The following TP73 variants were observed in gnomAD, a reference collection of about 807,000 sequenced individuals.
The protein encoded by TP73 is tumor protein p73.
In TP73, 25 loss-of-function variants were observed where a neutral mutation model predicts 62.5. The ratio of observed to expected loss-of-function variants is 0.40; its 90% CI spans 0.29 to 0.56. The LOEUF (loss-of-function observed/expected upper bound fraction) is 0.56, where lower values mean the gene tolerates loss of function less well. TP73 is among the 20% of genes least tolerant of loss of function. TP73 has a pLI of 0.46. For missense variants in TP73, 754 were observed against 913.3 expected (o/e 0.83, Z 2.25); for synonymous variants, 423 against 377.5 (o/e 1.12, Z -1.40).
chr1:3,685,830 C>A (rs529792795), intron 3 of TP73, among the ~76,000 whole-genome samples: 1 of 152,194 alleles, frequency 6.6e-6, no homozygotes, highest in Non-Finnish European at 1.5e-5. Context: ...CGGTTCAGTG[C>A]GGATGCGGGC....
rs760523638 is a variant in TP73 at position 3,699,810 on chromosome 1, G to A, written c.187-7739G>A. 1.5e-4 allele frequency among the ~76,000 whole-genome samples: 23 copies of A among 152,164 alleles called. No homozygotes were observed. Among genetic ancestry groups the A allele is most frequent in the Admixed American group, 2.6e-4 (4 of 15,288 alleles). ...GGAGCTGGGGAGGGGCCAGCGGGGC[G>A]TCAGGATTTCAGCTGACATCCCTAC... On this transcript the variant is annotated intron_variant, in intron 3 of 13. Coordinates refer to ENST00000378295, the MANE Select transcript of TP73 (RefSeq NM_005427.4). This position sits in a 1 kb window ranked among gnomAD's most constrained non-coding sequence, Gnocchi z 4.1.
intron 9 of TP73, 144 bp downstream of exon 9, chr1:3,728,361 G>T: frequency 1.3e-6 from 1 of 783,638 alleles, no homozygotes; most frequent in Non-Finnish European, 2.0e-6. Context: ...AGGGTCCAGA[G>T]GGCAGAACCT....
At chr1:3,656,138 A>G (rs1204499108) in intron 1 of TP73, among the ~76,000 whole-genome samples, 3 of 151,322 alleles carry the variant, frequency 2.0e-5, no homozygotes, top group Admixed American at 2.0e-4. Flanking sequence ...ATCACGCACT[A>G]CACTCCAGCC....
intron 2 of TP73, 43 bp from the exon 3 acceptor site, chr1:3,683,017 C>CA: frequency 6.3e-7 from 1 of 1,575,342 alleles, no homozygotes; most frequent in African/African-American, 1.3e-5. Flanking sequence ...GGGTGACACC[C>CA]AAACTGGGGA....
Position 3,732,978 on chromosome 1 carries a change from G to C in TP73, c.1810G>C (p.Gly604Arg). 6.3e-7 allele frequency: 1 copy of C among 1,597,600 alleles called. No individual in the cohort carries two copies. The highest frequency in any genetic ancestry group is 8.5e-7 in the Non-Finnish European group (1 of 1,174,880). Residue 604 changes from glycine to arginine, a missense_variant, in exon 14 of 14, where the codon GGC becomes CGC. Transcript: ENST00000378295. ...ITIPNRGGPG[G>R]GPDEWADFGF... ...CATCCCCAACCGCGGCGGCCCAGGC[G>C]GCGGCCCTGACGAGTGGGCGGACTT...
intron 1 of TP73, among the ~76,000 whole-genome samples, chr1:3,680,641 C>T (rs1400497987): frequency 1.3e-5 from 2 of 152,248 alleles, no homozygotes; most frequent in Non-Finnish European, 2.9e-5. Flanking sequence ...TCATACTGCT[C>T]AGCCCAAAGG....
intron 4 of TP73, among the ~76,000 whole-genome samples, chr1:3,709,562 G>A (rs1218979280): frequency 6.6e-6 from 1 of 152,212 alleles, no homozygotes; most frequent in Non-Finnish European, 1.5e-5. Flanking sequence ...ACCTGCCTGT[G>A]GGGCAAGGGG....
At chr1:3,697,982 C>A in intron 3 of TP73, 2 of 643,974 alleles carry the variant, frequency 3.1e-6, no homozygotes, top group Non-Finnish European at 1.9e-6. Context: ...CCTCCCTGTA[C>A]CCTGCACTGC....
intron 3 of TP73, among the ~76,000 whole-genome samples, chr1:3,685,038 G>A (rs1433308965): frequency 6.6e-6 from 1 of 152,112 alleles, no homozygotes; most frequent in African/African-American, 2.4e-5. Context: ...GCAGGAACTG[G>A]CCGCTGGACC....
At chr1:3,716,001 C>G (rs1046884925) in intron 4 of TP73, among the ~76,000 whole-genome samples, 1 of 152,188 alleles carries the variant, frequency 6.6e-6, no homozygotes, top group Non-Finnish European at 1.5e-5. Flanking sequence ...GAGAGTCCCC[C>G]GTGTGGCTCC....
chr1:3,652,664 G>A (rs1644779805), intron 1 of TP73, 23 bp downstream of exon 1: 1 of 152,404 alleles, frequency 6.6e-6, no homozygotes, highest in Admixed American at 6.5e-5. Flanking sequence ...GGGCCGGGGG[G>A]CGGTTCGGCT....
intron 12 of TP73, 73 bp downstream of exon 12, chr1:3,731,138 A>G: frequency 6.4e-7 from 1 of 1,554,966 alleles, no homozygotes; most frequent in Non-Finnish European, 8.7e-7. Flanking sequence ...TGGCCATGTC[A>G]GCTGCCCTGC....
At chr1:3,721,915 G>A in intron 4 of TP73, 106 bp from the exon 5 acceptor site, 1 of 1,217,136 alleles carries the variant, frequency 8.2e-7, no homozygotes, top group Non-Finnish European at 1.1e-6. Context: ...TCTGGGGGTT[G>A]TGGAAGGGGC....
At chr1:3,685,393 G>A (rs1645627252) in intron 3 of TP73, among the ~76,000 whole-genome samples, 2 of 152,190 alleles carry the variant, frequency 1.3e-5, no homozygotes, top group African/African-American at 4.8e-5. Flanking sequence ...GGCTGGATCT[G>A]TCTGGCAGCG....
chr1:3,732,609 C>G (rs1316630651), intron 13 of TP73, 138 bp from the exon 14 acceptor site: 17 of 754,180 alleles, frequency 2.3e-5, no homozygotes, highest in Non-Finnish European at 2.1e-5. Flanking sequence ...GGGCTCTCCC[C>G]CTCCCCCGTC....
intron 3 of TP73, among the ~76,000 whole-genome samples, chr1:3,703,034 G>A (rs180783728): frequency 4.4e-4 from 67 of 152,310 alleles, no homozygotes; most frequent in Non-Finnish European, 6.6e-4. Flanking sequence ...AGAGTCCCCC[G>A]AGCCAGGTGG....
intron 4 of TP73, among the ~76,000 whole-genome samples, chr1:3,721,116 T>C (rs917565042): frequency 2.6e-5 from 4 of 152,142 alleles, no homozygotes; most frequent in African/African-American, 9.7e-5. Flanking sequence ...TCAGCCAGCT[T>C]GGAAGTGAGT....
At chr1:3,661,929 G>A (rs1351034984) in intron 1 of TP73, among the ~76,000 whole-genome samples, 1 of 148,124 alleles carries the variant, frequency 6.8e-6, no homozygotes, top group African/African-American at 2.5e-5. Context: ...GTGTGGTGGT[G>A]CCCACCTGTC....
At chr1:3,706,138 G>T (rs539627500) in intron 3 of TP73, among the ~76,000 whole-genome samples, 5 of 152,260 alleles carry the variant, frequency 3.3e-5, no homozygotes, top group Admixed American at 2.6e-4. Flanking sequence ...CCTCCGCCTG[G>T]CTCTGCCCCT....
Sources: gnomAD v4.1 joint callset for allele counts (sites outside exome capture counted in the v4.1 genomes callset) on GRCh38, gnomAD v4.1.1 for gene constraint, Gnocchi (gnomAD v3.1) non-coding constraint, MANE v1.5 for transcripts, NCBI Gene and HGNC (gene_info 2026-07-23, HGNC 2026-07-21) for gene names.